Variants in DNAH1 observed in about 807,000 individuals in gnomAD.
The protein encoded by DNAH1 is axonemal beta dynein heavy chain 1.
In DNAH1, 327 loss-of-function variants were observed where a neutral mutation model predicts 484.3. The ratio of observed to expected loss-of-function variants is 0.68; its 90% confidence interval spans 0.62 to 0.74. The LOEUF (loss-of-function observed/expected upper bound fraction) is 0.74. Ranked by LOEUF, DNAH1 falls within the 30% of genes least tolerant of loss-of-function variation. The pLI, the probability that DNAH1 is intolerant of heterozygous loss-of-function variation, is 0.00. For missense variants in DNAH1, 5,052 were observed against 5,546.8 expected (o/e 0.91, Z 2.83); for synonymous variants, 2,192 against 2,191.9 (o/e 1.00, Z 0.00).
chr3:52,322,535 C>G lies in DNAH1; in HGVS notation c.93C>G (p.His31Gln). The G allele has an allele frequency of 6.2e-7, 1 of 1,613,810 alleles. No homozygotes were observed. Among genetic ancestry groups the G allele is most frequent in the Non-Finnish European group, 8.5e-7 (1 of 1,179,808 alleles). ...CTCCTGCAGTCCAAGTGGGGACCCA[C>G]AGGGGCCTAGAGTATAACCCGGGGA... ...SSAPAVQVGT[H>Q]RGLEYNPGKI... Residue 31 changes from histidine (H) to glutamine (Q), a missense_variant, in exon 2 of 78, where the codon CAC (histidine) becomes CAG (glutamine). By Grantham distance (24) the His-to-Gln change is conservative (BLOSUM62 0). Coordinates refer to ENST00000420323, the MANE Select transcript of DNAH1 (RefSeq NM_015512.5).
At chr3:52,383,324 G>A (rs1703941015) in intron 50 of DNAH1, 62 bp from the exon 51 acceptor site, 3 of 1,466,646 alleles carry the variant, frequency 2.0e-6, no homozygotes, top group Admixed American at 3.5e-5. Flanking sequence ...GGTCCAGCGA[G>A]ACTGTGGTCA....
chr3:52,381,622 C>A lies in DNAH1; in HGVS notation c.7609-18C>A. 1 of 1,585,574 alleles carries A rather than the reference C, an allele frequency of 6.3e-7. No individual in the cohort carries two copies. ...GTAAGAGAGACCCCGCCTTCCCCAT[C>A]CTCGCCTTGGTGCACAGATGATGCA... On this transcript the variant is annotated intron_variant, in intron 48 of 77. Transcript: ENST00000420323. This position sits in a 1 kb window ranked among gnomAD's most constrained non-coding sequence, Gnocchi z 4.1.
Position 52,361,284 on chromosome 3 carries a change from C to G in DNAH1, c.4806C>G (p.Thr1602=), listed in dbSNP as rs536663755. The part of the protein sequence containing the change: ...KDLGKALAIQ[T]VVFNCSDQLD... ...TGGGTAAGGCCTTGGCCATACAGAC[C>G]GTTGTGTTCAACTGCTCTGACCAGC... The change falls in exon 29 of 78, where the codon ACC becomes ACG. Residue 1602 remains threonine (T), a synonymous_variant. Transcript: ENST00000420323. The surrounding 1 kb of genome is among the most constrained non-coding windows in gnomAD (Gnocchi z 5.6). The G allele has an allele frequency of 6.2e-7, 1 of 1,611,312 alleles. No homozygotes were observed. The highest frequency in any genetic ancestry group is 1.7e-4 in the Middle Eastern group (1 of 6,058).
chr3:52,361,914 G>C lies in DNAH1; in HGVS notation c.4980+148G>C. The C allele has an allele frequency of 1.2e-6, 1 of 838,952 alleles. No homozygotes were observed. The highest frequency in any genetic ancestry group is 1.8e-6 in the Non-Finnish European group (1 of 544,402). The allele number at this position is 838,952 out of a possible 1,614,324, so 52.0% of individuals were successfully genotyped here. ...CGGGGGCACACCCTAACCCCAGTCT[G>C]TGGGCAGCTCCCAGGCCAAGCTGCG... is the stretch of plus-strand genomic sequence containing the variant. On this transcript the variant is annotated intron_variant, in intron 30 of 77. Coordinates refer to ENST00000420323, the MANE Select transcript of DNAH1 (RefSeq NM_015512.5). This position sits in a 1 kb window ranked among gnomAD's most constrained non-coding sequence, Gnocchi z 5.6.
At position 52,383,379 on chromosome 3, in the gene DNAH1, T is replaced by C; in HGVS notation, c.7942-7T>C. 6.2e-7 allele frequency: 1 copy of C among 1,613,164 alleles called. No homozygotes were observed. Among genetic ancestry groups the C allele is most frequent in the African/African-American group, 1.3e-5 (1 of 74,996 alleles). ...GCTTAGCTCCCCACTCCTTCACCCC[T>C]CCCCAGATCAAGAACGAATCCTTCC... On this transcript the variant is annotated splice_polypyrimidine_tract_variant and splice_region_variant and intron_variant, in intron 50 of 77. Transcript: ENST00000420323.
chr3:52,373,078 A>G (rs1353311672), intron 44 of DNAH1, 25 bp downstream of exon 44: 3 of 1,596,844 alleles, frequency 1.9e-6, no homozygotes, highest in Non-Finnish European at 2.6e-6. Flanking sequence ...CCTGGCTCAC[A>G]GGGCAAGGGC....
intron 8 of DNAH1, among the ~76,000 whole-genome samples, chr3:52,333,877 G>A (rs1466823118): frequency 6.6e-6 from 1 of 152,152 alleles, no homozygotes; most frequent in Non-Finnish European, 1.5e-5. Flanking sequence ...AGGCTAATGT[G>A]AGTGTTCTGA....
Position 52,346,580 on chromosome 3 carries a change from G to A in DNAH1, c.1765G>A (p.Glu589Lys). ...GTACAACCTCTACGAGACCAACTGG[G>A]AGGTGTACCTCATGTCCAAGCTGCG... ...GWYNLYETNW[E>K]VYLMSKLRKL... The change falls in exon 11 of 78, where the codon GAG becomes AAG. Residue 589 changes from glutamate to lysine, a missense_variant. Glu to Lys is a moderately conservative substitution (Grantham distance 56, BLOSUM62 1). Around this residue, in one of 4 missense-constraint regions of DNAH1, gnomAD observed 1,263 missense variants for 1,218.8 expected, o/e 1.04. Coordinates refer to ENST00000420323, the MANE Select transcript of DNAH1 (RefSeq NM_015512.5). 1 of 1,614,056 alleles carries A rather than the reference G, an allele frequency of 6.2e-7. No homozygotes were observed. Among genetic ancestry groups the A allele is most frequent in the Non-Finnish European group, 8.5e-7 (1 of 1,179,894 alleles).
At position 52,388,484 on chromosome 3, in the gene DNAH1, C is replaced by T. The variant is rs757152337; in HGVS notation, c.9238C>T (p.Arg3080Cys). 30 of 1,612,388 alleles carry T rather than the reference C, an allele frequency of 1.9e-5. No individual in the cohort carries two copies. The highest frequency in any genetic ancestry group is 1.6e-4 in the East Asian group (7 of 44,826). ...GAGGATCCTGGATGAGGCAAAACAG[C>T]GCCTTCGTGAGGTGGAGGACGGCAT... is the stretch of plus-strand genomic sequence containing the variant. ...TQRILDEAKQ[R>C]LREVEDGIAT... The change falls in exon 58 of 78, where the codon CGC becomes TGC. Residue 3080 changes from arginine (R) to cysteine (C), a missense_variant. By Grantham distance (180) the Arg-to-Cys change is radical. Transcript: ENST00000420323.
chr3:52,327,753 A>C, intron 5 of DNAH1, 129 bp from the exon 6 acceptor site: 1 of 1,085,698 alleles, frequency 9.2e-7, no homozygotes, highest in Non-Finnish European at 1.3e-6. Flanking sequence ...GTCAGCCCCC[A>C]GTGCCACCTT....
rs571371942 is a variant in DNAH1 at position 52,326,846 on chromosome 3, C to T, written c.693C>T (p.Ile231=). The change falls in exon 5 of 78, where the codon ATC becomes ATT. Residue 231 remains isoleucine, a synonymous_variant. Transcript: ENST00000420323. ...TGGACCACCAGCACCCCCAAACCAT[C>T]GAACAGGGCCATGACCCAATCTTCC... ...RHLDHQHPQT[I]EQGHDPIFPI... The T allele has an allele frequency of 1.2e-5, 19 of 1,613,526 alleles. No individual in the cohort carries two copies. The highest frequency in any genetic ancestry group is 6.7e-5 in the Admixed American group (4 of 59,952).
intron 34 of DNAH1, among the ~76,000 whole-genome samples, chr3:52,365,257 T>A (rs1378963697): frequency 2.0e-5 from 3 of 152,190 alleles, no homozygotes; most frequent in Non-Finnish European, 4.4e-5. Context: ...TAGGCCCTCC[T>A]TCCCGTGTGG....
Position 52,370,428 on chromosome 3 carries a change from G to T in DNAH1, c.6259-49G>T, listed in dbSNP as rs1417907854. ...TGCCCCTGCCCCACTTCCTCAGGCC[G>T]CTTGATACTGTTCCTGTCTCAGCCT... On this transcript the variant is annotated intron_variant, in intron 39 of 77. Transcript: ENST00000420323. The T allele has an allele frequency of 3.1e-6, 5 of 1,611,374 alleles. No homozygotes were observed. The South Asian group carries it at 3.3e-5, about 11-fold the overall frequency.
rs998912024 is a variant in DNAH1 at position 52,358,299 on chromosome 3, G to A, written c.4087-259G>A. 6.6e-5 allele frequency among the ~76,000 whole-genome samples: 10 copies of A among 152,212 alleles called. No homozygotes were observed. Among genetic ancestry groups the A allele is most frequent in the African/African-American group, 1.9e-4 (8 of 41,460 alleles). ...TCTTCCCTCATCTATGCAGGAGGCC[G>A]GGGACATGCAAGGCAGTCAGCCTCC... On this transcript the variant is annotated intron_variant, in intron 24 of 77. Coordinates refer to ENST00000420323, the MANE Select transcript of DNAH1 (RefSeq NM_015512.5). This position sits in a 1 kb window ranked among gnomAD's most constrained non-coding sequence, Gnocchi z 4.2.
chr3:52,382,360 T>C lies in DNAH1; in HGVS notation c.7846T>C (p.Tyr2616His). 1.2e-6 allele frequency: 2 copies of C among 1,613,964 alleles called. No individual in the cohort carries two copies. The highest frequency in any genetic ancestry group is 4.5e-5 in the East Asian group (2 of 44,880). The change falls in exon 50 of 78, where the codon TAC becomes CAC. Residue 2616 changes from tyrosine to histidine, a missense_variant. By Grantham distance (83) the Tyr-to-His change is moderately conservative (BLOSUM62 2). Coordinates refer to ENST00000420323, the MANE Select transcript of DNAH1 (RefSeq NM_015512.5). ...CTTCCAGATTGAACTATCCAAGAACTACGGCATGTCCGAGTGGCGAGATGA... is the reference window on the plus strand; with the variant it reads ...CTTCCAGATTGAACTATCCAAGAACCACGGCATGTCCGAGTGGCGAGATGA... ...ECFQIELSKN[Y>H]GMSEWRDDVK...
At chr3:52,386,979 C>G (rs530865078) in intron 56 of DNAH1, 126 bp downstream of exon 56, 52 of 1,033,676 alleles carry the variant, frequency 5.0e-5, no homozygotes, top group Non-Finnish European at 6.3e-5. Context: ...TGTCCTGTCT[C>G]TCTCTGTCCA....
At chr3:52,352,221 C>T (rs1413431423) in intron 17 of DNAH1, 118 bp downstream of exon 17, 11 of 1,353,694 alleles carry the variant, frequency 8.1e-6, no homozygotes, top group Middle Eastern at 2.6e-4. Context: ...ATGTGATGGG[C>T]GGGCAGATGG....
At chr3:52,384,305 C>G (rs1704000943) in intron 52 of DNAH1, among the ~76,000 whole-genome samples, 1 of 152,230 alleles carries the variant, frequency 6.6e-6, no homozygotes, top group Non-Finnish European at 1.5e-5. Context: ...CAAGAACCCC[C>G]TGATAGAACT....
At position 52,383,395 on chromosome 3, in the gene DNAH1, G is replaced by T. The variant is rs756998716; in HGVS notation, c.7951G>T (p.Glu2651Ter). The change falls in exon 51 of 78, where the codon GAA (glutamate) becomes TAA (stop). Residue 2651 changes from glutamate (E) to a stop codon, truncating the protein, a stop_gained. Transcript: ENST00000420323. LOFTEE classifies it high-confidence loss of function. ...FLFSDTQIKN[E>*]SFLEDINNVL... ...CTTCACCCCTCCCCAGATCAAGAAC[G>T]AATCCTTCCTGGAAGATATCAACAA... The T allele has an allele frequency of 1.2e-6, 2 of 1,613,716 alleles. No individual in the cohort carries two copies. The highest frequency in any genetic ancestry group is 3.3e-5 in the Admixed American group (2 of 60,004).
Sources: gnomAD v4.1 joint callset for allele counts (sites outside exome capture counted in the v4.1 genomes callset) on GRCh38, gnomAD v4.1.1 for gene constraint, gnomAD v4.1.1 regional missense constraint, Gnocchi (gnomAD v3.1) non-coding constraint, MANE v1.5 for transcripts, NCBI Gene and HGNC (gene_info 2026-07-23, HGNC 2026-07-21) for gene names.